The following COBLL1 variants were observed in gnomAD, a reference collection of about 807,000 sequenced individuals.
COBLL1 encodes cordon-bleu WH2 repeat protein like 1.
In COBLL1, 50 loss-of-function variants were observed where a neutral mutation model predicts 94.8. That is an observed-to-expected ratio of 0.53 (90% confidence interval 0.42 to 0.67). The LOEUF is 0.67. Among genes scored for constraint, COBLL1 ranks in the 30% least tolerant of loss-of-function variants. The pLI, the probability that COBLL1 is intolerant of heterozygous loss-of-function variation, is 0.00. For synonymous variants in COBLL1, 448 were observed against 473.8 expected (o/e 0.95, Z 0.71); for missense variants, 1,362 against 1,348.7 (o/e 1.01, Z -0.15).
At chr2:164,808,952 C>T (rs1464943812) in intron 2 of COBLL1, among the ~76,000 whole-genome samples, 1 of 152,062 alleles carries the variant, frequency 6.6e-6, no homozygotes, top group Admixed American at 6.6e-5. Flanking sequence ...GTACTTTCTA[C>T]AGCATTCACT....
chr2:164,785,057 G>A (rs533661764), intron 2 of COBLL1, among the ~76,000 whole-genome samples: 24 of 152,276 alleles, frequency 1.6e-4, no homozygotes, highest in African/African-American at 5.1e-4. Flanking sequence ...TCTGCCATGT[G>A]AGGATGAAGC....
At chr2:164,798,651 A>G (rs1409383554) in intron 2 of COBLL1, among the ~76,000 whole-genome samples, 1 of 152,166 alleles carries the variant, frequency 6.6e-6, no homozygotes, top group East Asian at 1.9e-4. Context: ...AACAAAACAT[A>G]TTTACAATGT....
chr2:164,839,186 C>T (rs1343563304), intron 2 of COBLL1, among the ~76,000 whole-genome samples: 1 of 152,160 alleles, frequency 6.6e-6, no homozygotes, highest in East Asian at 1.9e-4. Flanking sequence ...CAGATTTTCC[C>T]TACTTAAATT....
chr2:164,783,778 GCAA>G (rs1348712332), intron 2 of COBLL1, among the ~76,000 whole-genome samples: 1 of 151,998 alleles, frequency 6.6e-6, no homozygotes, highest in Non-Finnish European at 1.5e-5. Context: ...ACCAGCCTGG[GCAA>G]CATAGCGAGA....
intron 2 of COBLL1, among the ~76,000 whole-genome samples, chr2:164,783,416 GAAGAAGAGAAAAGAA>G (rs1390563257): frequency 2.7e-4 from 35 of 129,734 alleles, no homozygotes; most frequent in Admixed American, 7.6e-4. Flanking sequence ...ACCCTGTTGA[GAAGAAGAGAAAAGAA>G]AGGAAGAGAA....
At chr2:164,820,073 A>G (rs1026285828) in intron 2 of COBLL1, among the ~76,000 whole-genome samples, 3 of 149,646 alleles carry the variant, frequency 2.0e-5, no homozygotes, top group Non-Finnish European at 3.0e-5. Context: ...ACCTCAGGTG[A>G]TCTGCCCACC....
rs366225 is a variant in COBLL1, at chr2:164,753,726, G to A, written c.42-9851C>T. On this transcript the variant is annotated intron_variant, in intron 2 of 13. Coordinates refer to ENST00000652658, the MANE Select transcript of COBLL1 (RefSeq NM_001365672.2). ...AAATGTTTAAGTATATTTGGGATAA[G>A]TTGAGTATGGGAATTTTTTTTTTTT... Among the ~76,000 whole-genome samples, 64 of 149,942 alleles carry A rather than the reference G, an allele frequency of 4.3e-4. No individual in the cohort carries two copies. The Middle Eastern group carries it at 0.01, about 24-fold the overall frequency.
intron 7 of COBLL1, among the ~76,000 whole-genome samples, chr2:164,706,769 C>T (rs1469052755): frequency 1.3e-5 from 2 of 152,176 alleles, no homozygotes; most frequent in Non-Finnish European, 2.9e-5. Flanking sequence ...TTAGGAAGTA[C>T]CTAATTAGAC....
Position 164,685,871 on chromosome 2 carries a change from A to G in COBLL1, c.*75T>C. On this transcript the variant is annotated 3_prime_UTR_variant, in exon 14 of 14. Coordinates refer to ENST00000652658, the MANE Select transcript of COBLL1 (RefSeq NM_001365672.2). ...TATATTAGTGTACATCTGAATATACATTTGCCAAAATGTTCCATTAGTATG... is the reference window on the plus strand; with the variant it reads ...TATATTAGTGTACATCTGAATATACGTTTGCCAAAATGTTCCATTAGTATG... The G allele has an allele frequency of 1.3e-6, 1 of 784,414 alleles. No individual in the cohort carries two copies. The allele number at this position is 784,414 out of a possible 1,614,324, so 48.6% of individuals were successfully genotyped here. A position where few individuals can be genotyped will look rare whatever the true frequency, so the allele number is the denominator to read the frequency against.
intron 2 of COBLL1, among the ~76,000 whole-genome samples, chr2:164,792,016 T>G (rs1683213511): frequency 6.6e-6 from 1 of 152,094 alleles, no homozygotes; most frequent in South Asian, 2.1e-4. Context: ...CACAGCCTCT[T>G]TTGGTAAACA....
chr2:164,668,211 G>C (rs188695396), intron 1 of COBLL1, among the ~76,000 whole-genome samples: 14 of 151,712 alleles, frequency 9.2e-5, no homozygotes, highest in Admixed American at 2.0e-4. Context: ...TGATCTACCC[G>C]CCTTGGCCTC....
At chr2:164,730,927 G>T (rs890530447) in intron 3 of COBLL1, among the ~76,000 whole-genome samples, 1 of 152,164 alleles carries the variant, frequency 6.6e-6, no homozygotes, top group Non-Finnish European at 1.5e-5. Flanking sequence ...CAAAGGTTAT[G>T]AATATTCTCT....
intron 7 of COBLL1, among the ~76,000 whole-genome samples, chr2:164,707,629 C>A (rs1041712000): frequency 6.6e-6 from 1 of 152,158 alleles, no homozygotes; most frequent in African/African-American, 2.4e-5. Flanking sequence ...CCTACTATTT[C>A]ACTCACTGCT....
At chr2:164,665,973 A>G (rs1691152833) in intron 1 of COBLL1, 1 of 152,246 alleles carries the variant, frequency 6.6e-6, no homozygotes, top group Non-Finnish European at 1.5e-5. Flanking sequence ...AGTATATTAT[A>G]TAGTTTCAAA....
rs1421688438 is a variant in COBLL1, at chr2:164,695,517, G to A, written c.1875C>T (p.Ser625=). Residue 625 remains serine, a synonymous_variant, in exon 12 of 14, where the codon TCC becomes TCT. Coordinates refer to ENST00000652658, the MANE Select transcript of COBLL1 (RefSeq NM_001365672.2). ...AAGTTTGCACACATTCTTCAACTTT[G>A]GAGTCAGATAAATTATGATCTTGGT... ...GKHQDHNLSD[S]KVEECVQTSN... 2.5e-6 allele frequency: 4 copies of A among 1,613,876 alleles called. No homozygotes were observed. The highest frequency in any genetic ancestry group is 3.3e-5 in the Admixed American group (2 of 59,994).
At chr2:164,761,173 C>G (rs141440717) in intron 2 of COBLL1, 1 of 152,352 alleles carries the variant, frequency 6.6e-6, no homozygotes, top group Admixed American at 6.5e-5. Context: ...CTTTGGGAGG[C>G]CAAGGCGGGT....
At chr2:164,713,854 C>T (rs747935759) in intron 7 of COBLL1, among the ~76,000 whole-genome samples, 5 of 152,064 alleles carry the variant, frequency 3.3e-5, no homozygotes, top group Non-Finnish European at 5.9e-5. Context: ...ACCGTCATCT[C>T]GTTAACGTTG....
chr2:164,703,032 T>A (rs534636511), intron 9 of COBLL1: 3 of 840,366 alleles, frequency 3.6e-6, no homozygotes, highest in Non-Finnish European at 3.9e-6. Context: ...CAATAGCTCA[T>A]CAAATTTACA....
Position 164,760,041 on chromosome 2 carries a change from C to T in COBLL1, c.42-16166G>A, listed in dbSNP as rs968933659. On this transcript the variant is annotated intron_variant, in intron 2 of 13. Transcript: ENST00000652658. ...ACATAACGTATGACCCAGTAATCTACTCCTAGGTATTTGCACAAGAGTAGT... is the reference window on the plus strand; with the variant it reads ...ACATAACGTATGACCCAGTAATCTATTCCTAGGTATTTGCACAAGAGTAGT... 2.6e-5 allele frequency among the ~76,000 whole-genome samples: 4 copies of T among 152,268 alleles called. No individual in the cohort carries two copies. The East Asian group carries it at 7.7e-4, about 29-fold the overall frequency.
Sources: gnomAD v4.1 joint callset for allele counts (sites outside exome capture counted in the v4.1 genomes callset) on GRCh38, gnomAD v4.1.1 for gene constraint, MANE v1.5 for transcripts, NCBI Gene and HGNC (gene_info 2026-07-23, HGNC 2026-07-21) for gene names.